Variants in POLK observed in about 807,000 individuals in gnomAD.
POLK encodes DNA polymerase kappa.
Under a neutral mutation model 94.0 loss-of-function variants are expected in POLK, and 76 were observed. The observed-to-expected ratio is 0.81, with a 90% confidence interval of 0.67 to 0.98. The LOEUF (loss-of-function observed/expected upper bound fraction) is 0.98. Ranked by LOEUF, POLK falls within the 50% of genes least tolerant of loss-of-function variation. POLK has a pLI of 0.00. For missense variants in POLK, 954 were observed against 1,010.1 expected, an observed-to-expected ratio of 0.94 and a Z score of 0.75; for synonymous variants, 349 against 325.4, an observed-to-expected ratio of 1.07 and a Z score of -0.78.
At chr5:75,511,154 C>A, upstream of POLK, 1 of 1,610,520 alleles carries the variant, frequency 6.2e-7, no homozygotes, top group African/African-American at 1.3e-5. Flanking sequence ...GCCCAGACTC[C>A]GTCTCTGGAT....
intron 7 of POLK, chr5:75,582,157 A>G (rs967703204): frequency 1.2e-5 from 12 of 986,092 alleles, no homozygotes; most frequent in Non-Finnish European, 1.3e-5. Flanking sequence ...CTAGCAACAT[A>G]GCAATCCAGA....
At chr5:75,601,955 G>T (rs1326695291), downstream of POLK, among the ~76,000 whole-genome samples, 1 of 152,096 alleles carries the variant, frequency 6.6e-6, no homozygotes, top group Non-Finnish European at 1.5e-5. Context: ...TGTGGTATTT[G>T]TGTCCCCACT....
At chr5:75,527,577 A>G (rs1005405131) in intron 1 of POLK, among the ~76,000 whole-genome samples, 7 of 150,006 alleles carry the variant, frequency 4.7e-5, no homozygotes, top group African/African-American at 1.7e-4. Flanking sequence ...ATACATGTGT[A>G]TGTGTGTGTG....
intron 11 of POLK, among the ~76,000 whole-genome samples, chr5:75,591,569 A>G (rs557464960): frequency 6.6e-6 from 1 of 152,142 alleles, no homozygotes; most frequent in Non-Finnish European, 1.5e-5. Flanking sequence ...CATTTAATAC[A>G]TTGTCAATTA....
intron 1 of POLK, among the ~76,000 whole-genome samples, chr5:75,526,617 C>G (rs1288100948): frequency 6.8e-6 from 1 of 146,650 alleles, no homozygotes; most frequent in Non-Finnish European, 1.5e-5. Context: ...AGTCTCGCTC[C>G]GTCGCCCAGG....
At chr5:75,545,261 G>A (rs150071890) in intron 1 of POLK, among the ~76,000 whole-genome samples, 34 of 152,334 alleles carry the variant, frequency 2.2e-4, no homozygotes, top group Admixed American at 2.2e-3. Flanking sequence ...GCAGAGTGGA[G>A]TAAATGAGTG....
chr5:75,586,901 A>G (rs1772500398), intron 9 of POLK, 125 bp from the exon 10 acceptor site: 12 of 633,800 alleles, frequency 1.9e-5, no homozygotes, highest in South Asian at 1.8e-4. Context: ...ACTGTTTTTC[A>G]TGATGTATAA....
At chr5:75,542,705 AT>A (rs201174686) in intron 1 of POLK, among the ~76,000 whole-genome samples, 3,413 of 145,032 alleles carry the variant, frequency 0.024, 129 homozygotes, top group African/African-American at 0.081. Flanking sequence ...ATATATATGT[AT>A]TTTTTTTTTG....
At chr5:75,511,006 C>G, upstream of POLK, 2 of 1,391,014 alleles carry the variant, frequency 1.4e-6, no homozygotes, top group South Asian at 3.0e-5. Context: ...AGCCTCGCAC[C>G]CCGGCACGTT....
chr5:75,533,112 G>A (rs1021493269), intron 1 of POLK, among the ~76,000 whole-genome samples: 3 of 152,000 alleles, frequency 2.0e-5, no homozygotes, highest in African/African-American at 7.2e-5. Flanking sequence ...GTCAGTTTTT[G>A]TTTTTGTTGT....
At chr5:75,582,137 G>A in intron 7 of POLK, 2 of 987,252 alleles carry the variant, frequency 2.0e-6, no homozygotes, top group Non-Finnish European at 2.4e-6. Flanking sequence ...AGAGACAAAA[G>A]AAATACTAAC....
chr5:75,587,147 TAAG>T (rs1258065249), intron 10 of POLK, 89 bp downstream of exon 10: 1 of 791,298 alleles, frequency 1.3e-6, no homozygotes, highest in Admixed American at 2.8e-5. Flanking sequence ...ATCACTGAAA[TAAG>T]AAATCTATTT....
chr5:75,594,172 C>T (rs914234254), intron 12 of POLK, 123 bp downstream of exon 12: 5 of 644,042 alleles, frequency 7.8e-6, no homozygotes, highest in East Asian at 2.6e-5. Flanking sequence ...TTCAACTTTG[C>T]GACAGTGGGA....
chr5:75,576,126 A>C (rs1221653117), intron 5 of POLK, among the ~76,000 whole-genome samples: 1 of 152,162 alleles, frequency 6.6e-6, no homozygotes, highest in African/African-American at 2.4e-5. Context: ...CTTTTATCCT[A>C]AGATGTTACT....
chr5:75,586,116 T>G (rs899564264), intron 9 of POLK, among the ~76,000 whole-genome samples: 2 of 152,174 alleles, frequency 1.3e-5, no homozygotes, highest in African/African-American at 4.8e-5. Context: ...ACAATATAGT[T>G]CTGATGTAAC....
chr5:75,572,948 A>T (rs1248309823), intron 4 of POLK, among the ~76,000 whole-genome samples: 1 of 152,234 alleles, frequency 6.6e-6, no homozygotes, highest in East Asian at 1.9e-4. Context: ...TGTGGAAGTT[A>T]GTGTGGCGAT....
rs144972478 is a variant in POLK at position 75,581,954 on chromosome 5, C to A, written c.934+506C>A. On this transcript the variant is annotated intron_variant, in intron 7 of 14. Transcript: ENST00000241436. ...TTGGCCTCCCAAAGTGCTGGGATTA[C>A]AGGCCTGAGCCACCGCGCCCGACTC... 6.0e-4 allele frequency: 527 copies of A among 880,314 alleles called. 7 individuals carry two copies. In the African/African-American group the frequency reaches 7.1e-3, roughly 12 times the overall value. The allele number at this position is 880,314 out of a possible 1,614,324, so 54.5% of individuals were successfully genotyped here.
chr5:75,587,814 G>C (rs1385546436), intron 10 of POLK, among the ~76,000 whole-genome samples: 1 of 152,056 alleles, frequency 6.6e-6, no homozygotes, highest in Admixed American at 6.5e-5. Context: ...CAGCTACTTG[G>C]GTGGCTGAGG....
At chr5:75,597,435 TCAAA>T (rs1274323961) in intron 13 of POLK, 6 of 421,532 alleles carry the variant, frequency 1.4e-5, no homozygotes, top group Non-Finnish European at 2.5e-5. Flanking sequence ...AGTGATCTAA[TCAAA>T]CAAATTCCTT....
Sources: gnomAD v4.1 joint callset for allele counts (sites outside exome capture counted in the v4.1 genomes callset) on GRCh38, gnomAD v4.1.1 for gene constraint, MANE v1.5 for transcripts, NCBI Gene and HGNC (gene_info 2026-07-23, HGNC 2026-07-21) for gene names.